The following IQSEC1 variants were observed in gnomAD, a reference collection of about 807,000 sequenced individuals.
The protein encoded by IQSEC1 is IQ motif and SEC7 domain-containing protein 1.
In IQSEC1, 31 loss-of-function variants were observed where a neutral mutation model predicts 91.0. The observed-to-expected ratio is 0.34, with a 90% confidence interval of 0.26 to 0.46. The LOEUF (loss-of-function observed/expected upper bound fraction) is 0.46, where lower values mean the gene tolerates loss of function less well. Ranked by LOEUF, IQSEC1 falls within the 20% of genes least tolerant of loss-of-function variation. The pLI, the probability that IQSEC1 is intolerant of heterozygous loss-of-function variation, is 1.00. For synonymous variants in IQSEC1, 699 were observed against 662.6 expected (o/e 1.05, Z -0.84); for missense variants, 1,388 against 1,575.6 (o/e 0.88, Z 2.02).
intron 2 of IQSEC1, among the ~76,000 whole-genome samples, chr3:13,100,253 C>T (rs1365249449): frequency 6.8e-6 from 1 of 148,010 alleles, no homozygotes; most frequent in Non-Finnish European, 1.5e-5. Context: ...GTCCTCCCTC[C>T]AAAACAGAAG....
rs200584672 is a variant in IQSEC1 at position 12,899,416 on chromosome 3, G to A, written c.*1567C>T. Reference sequence around the variant, plus strand: ...TAGGAGCACAGCACTGACGGCTGCAGTGGCTCGAAAGGCTGAAACTACAAA... The same window carrying A: ...TAGGAGCACAGCACTGACGGCTGCAATGGCTCGAAAGGCTGAAACTACAAA... On this transcript the variant is annotated 3_prime_UTR_variant, in exon 14 of 14. Coordinates refer to ENST00000613206, the MANE Select transcript of IQSEC1 (RefSeq NM_001134382.3). The A allele has an allele frequency of 6.2e-7, 1 of 1,612,068 alleles. No homozygotes were observed. Among genetic ancestry groups the A allele is most frequent in the Non-Finnish European group, 8.5e-7 (1 of 1,179,570 alleles).
At chr3:13,220,372 A>AG (rs1020582423) in intron 1 of IQSEC1, among the ~76,000 whole-genome samples, 2 of 152,192 alleles carry the variant, frequency 1.3e-5, no homozygotes, top group Non-Finnish European at 2.9e-5. Flanking sequence ...GGGGCAAAGA[A>AG]GGGGGGTCCT....
chr3:12,926,712 T>G (rs985568143), intron 3 of IQSEC1, among the ~76,000 whole-genome samples: 2 of 152,198 alleles, frequency 1.3e-5, no homozygotes, highest in African/African-American at 4.8e-5. Flanking sequence ...GGGATGGAGA[T>G]GAAACCGGTG....
chr3:13,234,289 C>T (rs1370124853), intron 1 of IQSEC1, among the ~76,000 whole-genome samples: 1 of 148,452 alleles, frequency 6.7e-6, no homozygotes, highest in Non-Finnish European at 1.5e-5. Flanking sequence ...CGTGTCTGTG[C>T]CTGTGGGTGT....
intron 2 of IQSEC1, among the ~76,000 whole-genome samples, chr3:13,128,956 A>G (rs556768114): frequency 6.6e-6 from 1 of 151,384 alleles, no homozygotes; most frequent in South Asian, 2.1e-4. Flanking sequence ...TTCTTGTTCT[A>G]GCTTTGTCCA....
At chr3:13,086,002 GCTGGTAA>G (rs1262587696) in intron 2 of IQSEC1, among the ~76,000 whole-genome samples, 1 of 152,230 alleles carries the variant, frequency 6.6e-6, no homozygotes, top group African/African-American at 2.4e-5. Context: ...CCCCAGTCTG[GCTGGTAA>G]CTTGGGCCGC....
At chr3:13,228,305 G>A (rs1216735459) in intron 1 of IQSEC1, among the ~76,000 whole-genome samples, 2 of 152,124 alleles carry the variant, frequency 1.3e-5, no homozygotes, top group East Asian at 3.9e-4. Context: ...CCATTTACCA[G>A]ACCGGAAACA....
upstream of IQSEC1, among the ~76,000 whole-genome samples, chr3:13,077,567 C>G (rs73020545): frequency 0.11 from 16,901 of 152,312 alleles, 1,105 homozygotes; most frequent in Middle Eastern, 0.16. Flanking sequence ...ATGCTGAGTT[C>G]CCAAATCACA....
At chr3:13,227,095 G>A (rs1694766043) in intron 1 of IQSEC1, among the ~76,000 whole-genome samples, 1 of 151,904 alleles carries the variant, frequency 6.6e-6, no homozygotes, top group African/African-American at 2.4e-5. Context: ...AAAAATTCCG[G>A]CCAGGCGTGG....
At chr3:13,232,056 A>C (rs1471145507) in intron 1 of IQSEC1, among the ~76,000 whole-genome samples, 2 of 152,206 alleles carry the variant, frequency 1.3e-5, no homozygotes, top group Non-Finnish European at 2.9e-5. Context: ...CTTGGATCAT[A>C]ATTCACTTTC....
intron 12 of IQSEC1, among the ~76,000 whole-genome samples, chr3:12,904,543 G>A (rs1318991672): frequency 2.0e-5 from 3 of 152,204 alleles, no homozygotes; most frequent in African/African-American, 7.2e-5. Flanking sequence ...CAGTGGTCCA[G>A]GGACATGGAG....
intron 1 of IQSEC1, among the ~76,000 whole-genome samples, chr3:13,204,903 C>T (rs1350582992): frequency 1.3e-5 from 2 of 151,428 alleles, no homozygotes; most frequent in Non-Finnish European, 2.9e-5. Context: ...TGGGTTCAAG[C>T]GATTCTCCTG....
At chr3:12,996,022 A>G (rs1702214084) in intron 1 of IQSEC1, among the ~76,000 whole-genome samples, 1 of 152,176 alleles carries the variant, frequency 6.6e-6, no homozygotes, top group African/African-American at 2.4e-5. Flanking sequence ...TCAAAAATAA[A>G]TTAACCAGGC....
At position 12,909,276 on chromosome 3, in the gene IQSEC1, C is replaced by T. The variant is rs1451166177; in HGVS notation, c.2575G>A (p.Glu859Lys). 1 of 1,614,014 alleles carries T rather than the reference C, an allele frequency of 6.2e-7. No homozygotes were observed. Among genetic ancestry groups the T allele is most frequent in the African/African-American group, 1.3e-5 (1 of 74,948 alleles). ...GTCCATGAGGCCTGGTACTCACACTCTATCCTGTGCTTCTCCATCTCTTGG... is the reference window on the plus strand; with the variant it reads ...GTCCATGAGGCCTGGTACTCACACTTTATCCTGTGCTTCTCCATCTCTTGG... The part of the protein sequence containing the change: ...EVQEMEKHRI[E>K]SELEKQKGVV... Residue 859 changes from glutamate (E) to lysine (K), a missense_variant, in exon 11 of 14, where the codon GAG becomes AAG. This residue lies in a region of IQSEC1 where 1,059 missense variants were observed against 1,317.8 expected (regional missense o/e 0.80). Coordinates refer to ENST00000613206, the MANE Select transcript of IQSEC1 (RefSeq NM_001134382.3). The surrounding 1 kb of genome is among the most constrained non-coding windows in gnomAD (Gnocchi z 4.9).
Position 13,279,067 on chromosome 3 carries a change from G to A in IQSEC1, c.272+3644C>T, listed in dbSNP as rs573367723. Among the ~76,000 whole-genome samples, 8 of 152,248 alleles carry A rather than the reference G, an allele frequency of 5.3e-5. No homozygotes were observed. In the South Asian group the frequency reaches 1.0e-3, roughly 20 times the overall value. On this transcript the variant is annotated intron_variant, in intron 1 of 15. Coordinates refer to the IQSEC1 transcript ENST00000648114. ...CAGGGCAGGCACACAGGAAGCCCCC[G>A]GTGGATGCAGCCATCGGCCCCACCC...
rs147607593 is a variant in IQSEC1 at position 12,941,847 on chromosome 3, G to A, written c.42C>T (p.Pro14=). The A allele has an allele frequency of 1.3e-4, 208 of 1,602,686 alleles. No individual in the cohort carries two copies. Among genetic ancestry groups the A allele is most frequent in the Non-Finnish European group, 1.7e-4 (200 of 1,175,246 alleles). ...CCAGGGATGTGCCAGTCTCACTGCT[G>A]GGGGCCTCGCCCTCGACGCTGCAGA... The part of the protein sequence containing the change: ...RRRYFVEGEA[P]SSETGTSLDS... The change falls in exon 2 of 14, where the codon CCC becomes CCT. Residue 14 remains proline, a synonymous_variant. Transcript: ENST00000613206.
intron 1 of IQSEC1, among the ~76,000 whole-genome samples, chr3:13,071,002 C>T (rs887488142): frequency 2.0e-5 from 3 of 152,168 alleles, no homozygotes; most frequent in Middle Eastern, 3.2e-3. Flanking sequence ...GCTTGGGCAA[C>T]GCAGCCACAG....
chr3:13,044,260 G>T (rs564835003), intron 1 of IQSEC1, among the ~76,000 whole-genome samples: 10 of 152,310 alleles, frequency 6.6e-5, no homozygotes, highest in African/African-American at 2.4e-4. Context: ...AGAAATTTTG[G>T]TTGTCACAAA....
At chr3:13,154,460 T>TATATATATATATATATATACACAC (rs1707053083) in intron 2 of IQSEC1, among the ~76,000 whole-genome samples, 2 of 59,434 alleles carry the variant, frequency 3.4e-5, no homozygotes, top group African/African-American at 1.5e-4. Flanking sequence ...TATATATATA[T>TATATATATATATATATATACACAC]ATATATATAT....
Sources: gnomAD v4.1 joint callset for allele counts (sites outside exome capture counted in the v4.1 genomes callset) on GRCh38, gnomAD v4.1.1 for gene constraint, gnomAD v4.1.1 regional missense constraint, Gnocchi (gnomAD v3.1) non-coding constraint, MANE v1.5 for transcripts, NCBI Gene and HGNC (gene_info 2026-07-23, HGNC 2026-07-21) for gene names.